DPH6: variants seen among roughly 807,000 people sequenced by gnomAD.
DPH6 encodes the protein diphthine--ammonia ligase.
DPH6 carries 33 observed loss-of-function variants against 38.2 expected under a neutral mutation model. That is an observed-to-expected ratio of 0.86 (90% confidence interval 0.65 to 1.15). The LOEUF (loss-of-function observed/expected upper bound fraction) is 1.15. Ranked by LOEUF, DPH6 falls within the 50% of genes most tolerant of loss-of-function variation. The pLI is 0.00. For missense variants in DPH6, 325 were observed against 320.0 expected, an observed-to-expected ratio of 1.02 and a Z score of -0.12; for synonymous variants, 108 against 103.0, an observed-to-expected ratio of 1.05 and a Z score of -0.30.
chr15:35,515,131 T>C (rs1365458886), intron 3 of DPH6, among the ~76,000 whole-genome samples: 3 of 147,764 alleles, frequency 2.0e-5, no homozygotes, highest in Non-Finnish European at 1.5e-5. Flanking sequence ...CACACTAAGG[T>C]TAAAAAAAAA....
At chr15:35,264,502 T>C (rs917498915) in intron 3 of DPH6, among the ~76,000 whole-genome samples, 1 of 151,044 alleles carries the variant, frequency 6.6e-6, no homozygotes, top group African/African-American at 2.4e-5. Flanking sequence ...CTTCTGAAAA[T>C]ACTGGTCTAC....
chr15:35,440,241 G>A (rs570010499), intron 5 of DPH6, among the ~76,000 whole-genome samples: 3 of 152,234 alleles, frequency 2.0e-5, no homozygotes, highest in African/African-American at 7.2e-5. Context: ...TTTCCTTTTT[G>A]GGAAAATAAG....
the DPH6 span, among the ~76,000 whole-genome samples, chr15:35,186,812 A>C: frequency 6.6e-6 from 1 of 152,248 alleles, no homozygotes; most frequent in Non-Finnish European, 1.5e-5. Flanking sequence ...GATGTGGAGA[A>C]ACTGGGGCCC....
At chr15:35,214,696 C>A (rs2051403297), downstream of DPH6, among the ~76,000 whole-genome samples, 1 of 152,202 alleles carries the variant, frequency 6.6e-6, no homozygotes, top group Admixed American at 6.5e-5. Flanking sequence ...CAACCTCCGC[C>A]TCACGGGTTC....
In DPH6 at chr15:35,249,261, A is replaced by C. The variant is rs557819995; in HGVS notation, n.201-28679T>G. 4.6e-5 allele frequency among the ~76,000 whole-genome samples: 7 copies of C among 152,314 alleles called. No homozygotes were observed. The South Asian group carries it at 1.5e-3, about 32-fold the overall frequency. ...GAACCTCCTCTATTCCTGTAGATAA[A>C]ATTTCTCTAACACCTGAAGAAATCC... On this transcript the variant is annotated intron_variant and non_coding_transcript_variant, in intron 3 of 3. Transcript: ENST00000560386.
rs998447838 is a variant in DPH6 at position 35,383,732 on chromosome 15, T to C, written c.568-1816A>G. On this transcript the variant is annotated intron_variant, in intron 6 of 8. Transcript: ENST00000256538. ...GACTAAATCCTTACAATATCTTCTG[T>C]GGCCTCTCTAAATTCTACAAGCTTC... 2.6e-5 allele frequency among the ~76,000 whole-genome samples: 4 copies of C among 152,314 alleles called. No homozygotes were observed. In the East Asian group the frequency reaches 7.7e-4, roughly 29 times the overall value.
chr15:35,386,640 CT>C (rs1203534986), intron 6 of DPH6, among the ~76,000 whole-genome samples: 2 of 152,136 alleles, frequency 1.3e-5, no homozygotes, highest in African/African-American at 2.4e-5. Context: ...GCATAAATGT[CT>C]TCTTTTGAGA....
At chr15:35,199,271 T>C in the DPH6 span, among the ~76,000 whole-genome samples, 1 of 152,152 alleles carries the variant, frequency 6.6e-6, no homozygotes, top group Non-Finnish European at 1.5e-5. Context: ...GTTTAAAAAG[T>C]CCCTAAGAAG....
rs576547809 is a variant in DPH6, at chr15:35,486,155, G to C, written c.313-31335C>G. On this transcript the variant is annotated intron_variant, in intron 3 of 8. Coordinates refer to ENST00000256538, the MANE Select transcript of DPH6 (RefSeq NM_080650.4). The stretch of plus-strand genomic sequence containing the variant: ...GCAGAAGGCAAAGGAGAAGCAGGCA[G>C]GATGGAATGAGTGCAAGCAGGGGAA... 5.3e-5 allele frequency among the ~76,000 whole-genome samples: 8 copies of C among 151,786 alleles called. No individual in the cohort carries two copies. In the South Asian group the frequency reaches 1.7e-3, roughly 32 times the overall value.
chr15:35,235,660 A>G (rs1025625002), intron 3 of DPH6, among the ~76,000 whole-genome samples: 5 of 152,216 alleles, frequency 3.3e-5, no homozygotes, highest in African/African-American at 1.2e-4. Context: ...CCCAAAATAT[A>G]CACTGTTTTA....
intron 4 of DPH6, 106 bp downstream of exon 4, chr15:35,454,641 T>A: frequency 1.1e-6 from 1 of 925,378 alleles, no homozygotes; most frequent in Non-Finnish European, 1.6e-6. Flanking sequence ...ATGGAGCACG[T>A]AGACTACCAT....
At chr15:35,161,116 T>C in the DPH6 span, among the ~76,000 whole-genome samples, 1 of 151,924 alleles carries the variant, frequency 6.6e-6, no homozygotes, top group Non-Finnish European at 1.5e-5. Context: ...GTTGTGCACA[T>C]GCAACCTAAA....
Position 35,522,117 on chromosome 15 carries a change from A to G in DPH6, c.312+16157T>C, listed in dbSNP as rs758826525. 1.9e-6 allele frequency: 3 copies of G among 1,612,908 alleles called. No individual in the cohort carries two copies. In the East Asian group the frequency reaches 6.7e-5, roughly 36 times the overall value. ...CTCATACTTCACATTTTGCAATCTC[A>G]CTGATAAAAGGAGGAAATGTGTGTT... On this transcript the variant is annotated intron_variant, in intron 3 of 8. Coordinates refer to ENST00000256538, the MANE Select transcript of DPH6 (RefSeq NM_080650.4).
chr15:35,264,190 G>A (rs138323258), intron 3 of DPH6, among the ~76,000 whole-genome samples: 5 of 151,886 alleles, frequency 3.3e-5, no homozygotes, highest in Admixed American at 2.6e-4. Context: ...GGAGGAAGGA[G>A]CACAATCTAT....
intron 3 of DPH6, among the ~76,000 whole-genome samples, chr15:35,265,170 A>C (rs1208903869): frequency 1.3e-5 from 2 of 152,210 alleles, no homozygotes; most frequent in African/African-American, 2.4e-5. Flanking sequence ...ACATAGTAAA[A>C]TAACTTCAAA....
intron 6 of DPH6, among the ~76,000 whole-genome samples, chr15:35,390,296 T>C (rs923555862): frequency 6.6e-6 from 1 of 152,198 alleles, no homozygotes; most frequent in Admixed American, 6.5e-5. Context: ...ATTTCAACTT[T>C]GGTGAATCTG....
At chr15:35,398,247 C>G (rs946073884) in intron 6 of DPH6, among the ~76,000 whole-genome samples, 1 of 152,144 alleles carries the variant, frequency 6.6e-6, no homozygotes, top group Non-Finnish European at 1.5e-5. Context: ...ACAGAAACAT[C>G]TTTTGTTCTA....
At chr15:35,155,150 G>GCA in the DPH6 span, among the ~76,000 whole-genome samples, 3 of 152,120 alleles carry the variant, frequency 2.0e-5, no homozygotes, top group African/African-American at 7.2e-5. Context: ...ATCTTCTCCT[G>GCA]CACAACTACA....
At chr15:35,314,287 T>C (rs1453541004) in intron 3 of DPH6, among the ~76,000 whole-genome samples, 1 of 152,168 alleles carries the variant, frequency 6.6e-6, no homozygotes, top group Non-Finnish European at 1.5e-5. Context: ...TTGGAATACG[T>C]TTTTAAATAC....
Sources: gnomAD v4.1 joint callset for allele counts (sites outside exome capture counted in the v4.1 genomes callset) on GRCh38, gnomAD v4.1.1 for gene constraint, MANE v1.5 for transcripts, NCBI Gene and HGNC (gene_info 2026-07-23, HGNC 2026-07-21) for gene names.